The following SCHIP1 variants were observed in gnomAD, a reference collection of about 807,000 sequenced individuals.
The protein encoded by SCHIP1 is schwannomin interacting protein 1, also known as schwannomin-interacting protein 1.
A neutral mutation model predicts 29.7 loss-of-function variants in SCHIP1; 8 were observed. The ratio of observed to expected loss-of-function variants is 0.27; its 90% CI spans 0.16 to 0.49. The LOEUF is 0.49. Ranked by LOEUF, SCHIP1 falls within the 20% of genes least tolerant of loss-of-function variation. SCHIP1 has a pLI of 0.99. For missense variants in SCHIP1, 193 were observed against 294.6 expected (o/e 0.66, Z 2.52); for synonymous variants, 76 against 94.9 (o/e 0.80, Z 1.16).
the SCHIP1 span, among the ~76,000 whole-genome samples, chr3:159,492,950 T>C: frequency 3.3e-5 from 5 of 152,154 alleles, no homozygotes; most frequent in African/African-American, 7.2e-5. Flanking sequence ...CAATAGTCAA[T>C]ATTTTTAAAG....
At chr3:159,606,729 A>G in the SCHIP1 span, among the ~76,000 whole-genome samples, 7 of 152,188 alleles carry the variant, frequency 4.6e-5, no homozygotes, top group African/African-American at 1.7e-4. Context: ...CAATATAATC[A>G]TGCGATAATA....
chr3:159,889,768 G>T (rs1366194375), intron 5 of SCHIP1, among the ~76,000 whole-genome samples: 1 of 152,164 alleles, frequency 6.6e-6, no homozygotes, highest in East Asian at 1.9e-4. Flanking sequence ...ATTTATTTTA[G>T]GTGTGATAAA....
At chr3:159,782,769 G>A in the SCHIP1 span, among the ~76,000 whole-genome samples, 1 of 152,210 alleles carries the variant, frequency 6.6e-6, no homozygotes, top group South Asian at 2.1e-4. Context: ...CTTGACATCT[G>A]ATATCAAGCT....
chr3:159,644,159 A>G, the SCHIP1 span, among the ~76,000 whole-genome samples: 1 of 152,234 alleles, frequency 6.6e-6, no homozygotes, highest in African/African-American at 2.4e-5. Context: ...GTACTCTAAT[A>G]GAGAATTCGT....
At chr3:159,781,114 A>G in the SCHIP1 span, among the ~76,000 whole-genome samples, 1 of 152,200 alleles carries the variant, frequency 6.6e-6, no homozygotes. Flanking sequence ...TGTGAGTTCT[A>G]AGTGTAGCAT....
At chr3:159,446,424 A>T in the SCHIP1 span, among the ~76,000 whole-genome samples, 1 of 152,092 alleles carries the variant, frequency 6.6e-6, no homozygotes. Flanking sequence ...TATTGTTGCA[A>T]TACAGCAATA....
At chr3:159,384,903 G>A in the SCHIP1 span, among the ~76,000 whole-genome samples, 3 of 152,176 alleles carry the variant, frequency 2.0e-5, no homozygotes, top group Non-Finnish European at 2.9e-5. Context: ...GCATAGAGGT[G>A]TTTGTAATAT....
the SCHIP1 span, among the ~76,000 whole-genome samples, chr3:159,563,208 T>C: frequency 2.4e-4 from 37 of 152,200 alleles, no homozygotes; most frequent in Non-Finnish European, 4.4e-4. Context: ...CCTATGAATG[T>C]AATACTTACA....
At chr3:159,671,806 C>T in the SCHIP1 span, among the ~76,000 whole-genome samples, 1 of 152,088 alleles carries the variant, frequency 6.6e-6, no homozygotes, top group Non-Finnish European at 1.5e-5. Flanking sequence ...TTTCAAAACC[C>T]TTGGCGTTTT....
chr3:159,623,895 A>G, the SCHIP1 span, among the ~76,000 whole-genome samples: 1 of 152,142 alleles, frequency 6.6e-6, no homozygotes, highest in Non-Finnish European at 1.5e-5. Context: ...CAACTTGGGA[A>G]TGCTAAGTCC....
chr3:159,467,026 T>G, the SCHIP1 span, among the ~76,000 whole-genome samples: 2 of 152,026 alleles, frequency 1.3e-5, no homozygotes, highest in Non-Finnish European at 2.9e-5. Context: ...AAATATCACT[T>G]TCCTGTTAAT....
the SCHIP1 span, among the ~76,000 whole-genome samples, chr3:159,748,196 T>C: frequency 6.6e-6 from 1 of 152,368 alleles, no homozygotes; most frequent in South Asian, 2.1e-4. Context: ...TTGCCAATTA[T>C]AATTGCTAGA....
chr3:159,389,564 A>T, the SCHIP1 span, among the ~76,000 whole-genome samples: 1 of 152,106 alleles, frequency 6.6e-6, no homozygotes, highest in African/African-American at 2.4e-5. Flanking sequence ...GCATATATGT[A>T]TTAAAATACA....
chr3:159,609,304 A>G, the SCHIP1 span, among the ~76,000 whole-genome samples: 2 of 152,174 alleles, frequency 1.3e-5, no homozygotes, highest in Non-Finnish European at 2.9e-5. Flanking sequence ...AGCAGGTTGT[A>G]TATTTGAATA....
chr3:159,727,759 T>C, the SCHIP1 span, among the ~76,000 whole-genome samples: 1 of 152,152 alleles, frequency 6.6e-6, no homozygotes, highest in Non-Finnish European at 1.5e-5. Context: ...TATATTTTTA[T>C]GTGAAACAAA....
At chr3:159,711,906 G>A in the SCHIP1 span, among the ~76,000 whole-genome samples, 2 of 152,184 alleles carry the variant, frequency 1.3e-5, no homozygotes, top group East Asian at 1.9e-4. Context: ...CCCCTGAACC[G>A]TTTGCTCTGG....
At chr3:159,725,497 T>G in the SCHIP1 span, among the ~76,000 whole-genome samples, 1 of 152,110 alleles carries the variant, frequency 6.6e-6, no homozygotes, top group Non-Finnish European at 1.5e-5. Flanking sequence ...ACTCCTGGCC[T>G]CAAGGGATCC....
intron 2 of SCHIP1, among the ~76,000 whole-genome samples, chr3:159,878,504 C>T (rs1363992484): frequency 2.0e-5 from 3 of 149,262 alleles, no homozygotes; most frequent in Non-Finnish European, 3.0e-5. Context: ...ATAGGCCGGG[C>T]GCGGTGGCTC....
At chr3:159,428,001 G>C in the SCHIP1 span, among the ~76,000 whole-genome samples, 2 of 152,250 alleles carry the variant, frequency 1.3e-5, no homozygotes, top group South Asian at 2.1e-4. Flanking sequence ...TATGTAGAAA[G>C]CTGAAACTGG....
Sources: allele counts gnomAD v4.1 joint callset (sites outside exome capture counted in the v4.1 genomes callset), GRCh38; gene constraint gnomAD v4.1.1; transcripts MANE v1.5; gene names NCBI Gene and HGNC (gene_info 2026-07-23, HGNC 2026-07-21).